Variants in HSPH1 observed in about 807,000 individuals in gnomAD.
HSPH1 encodes the protein heat shock protein 105 kDa.
HSPH1 carries 40 observed loss-of-function variants against 100.0 expected under a neutral mutation model. The observed-to-expected ratio is 0.40, with a 90% CI of 0.31 to 0.52. HSPH1 has a LOEUF of 0.52. Ranked by LOEUF, HSPH1 falls within the 20% of genes least tolerant of loss-of-function variation. The probability of loss-of-function intolerance (pLI) is 0.54; values close to 1 mark genes in which losing one functional copy is unlikely to be tolerated. For missense variants in HSPH1, 876 were observed against 1,015.1 expected (o/e 0.86, Z 1.86); for synonymous variants, 403 against 344.0 (o/e 1.17, Z -1.90).
chr13:31,151,926 T>C (rs139496149), intron 5 of HSPH1, 184 bp from the exon 6 acceptor site: 41 of 567,508 alleles, frequency 7.2e-5, no homozygotes, highest in Non-Finnish European at 1.2e-4. Flanking sequence ...ACTCTCTTTC[T>C]GATTTCAGAA....
intron 11 of HSPH1, among the ~76,000 whole-genome samples, chr13:31,144,673 A>C (rs1956209183): frequency 6.6e-6 from 1 of 152,082 alleles, no homozygotes; most frequent in South Asian, 2.1e-4. Flanking sequence ...GTCCACACTG[A>C]ACTCTCTCAT....
In HSPH1 at chr13:31,154,943, A is replaced by G. The variant is rs78028848; in HGVS notation, c.307-188T>C. Among the ~76,000 whole-genome samples, 127 of 152,230 alleles carry G rather than the reference A, an allele frequency of 8.3e-4. No individual in the cohort carries two copies. The East Asian group carries it at 0.019, about 22-fold the overall frequency. On this transcript the variant is annotated intron_variant, in intron 3 of 17. Coordinates refer to ENST00000320027, the MANE Select transcript of HSPH1 (RefSeq NM_006644.4). ...AGGAGGGAAGGGGGAGAGAAAGGAA[A>G]AGAGAAAAAAAGAAAAAGGAAGAAA... is the stretch of plus-strand genomic sequence containing the variant.
Position 31,154,560 on chromosome 13 carries a change from A to G in HSPH1, c.429+73T>C, listed in dbSNP as rs547159228. ...AGTAACTAAAGAACAGCTTTCCCACATTTCATACTTAAAAGTAATACAAAG... is the reference window on the plus strand; with the variant it reads ...AGTAACTAAAGAACAGCTTTCCCACGTTTCATACTTAAAAGTAATACAAAG... On this transcript the variant is annotated intron_variant, in intron 4 of 17. Coordinates refer to ENST00000320027, the MANE Select transcript of HSPH1 (RefSeq NM_006644.4). 9.0e-6 allele frequency: 14 copies of G among 1,552,044 alleles called. 1 individual carries two copies. The highest frequency in any genetic ancestry group is 1.2e-5 in the Non-Finnish European group (14 of 1,124,052).
At chr13:31,154,880 T>G in intron 3 of HSPH1, 125 bp from the exon 4 acceptor site, 1 of 798,954 alleles carries the variant, frequency 1.3e-6, no homozygotes. Flanking sequence ...GTAGTTGTTT[T>G]GGGAAGAAGG....
In HSPH1 at chr13:31,147,944, C is replaced by A. The variant is rs1184897359; in HGVS notation, c.1378+15G>T. ...TTTAACTAAAAGAGTAAAATATACACAATGAACTCCTTACCTATTTTTGCT... is the reference window on the plus strand; with the variant it reads ...TTTAACTAAAAGAGTAAAATATACAAAATGAACTCCTTACCTATTTTTGCT... On this transcript the variant is annotated intron_variant, in intron 10 of 17. Coordinates refer to ENST00000320027, the MANE Select transcript of HSPH1 (RefSeq NM_006644.4). The A allele has an allele frequency of 1.3e-6, 2 of 1,572,626 alleles. No homozygotes were observed. Among genetic ancestry groups the A allele is most frequent in the African/African-American group, 2.8e-5 (2 of 71,994 alleles).
intron 5 of HSPH1, 41 bp downstream of exon 5, chr13:31,152,811 C>A: frequency 1.6e-6 from 2 of 1,280,768 alleles, no homozygotes; most frequent in South Asian, 2.4e-5. Flanking sequence ...ATCTTTAGTT[C>A]TGATAGTATA....
intron 10 of HSPH1, among the ~76,000 whole-genome samples, chr13:31,146,351 CTT>C (rs376345495): frequency 3.3e-5 from 5 of 152,106 alleles, no homozygotes; most frequent in African/African-American, 4.8e-5. Flanking sequence ...TAAGGGCACT[CTT>C]ATAACTATTT....
Position 31,156,234 on chromosome 13 carries a change from C to CA in HSPH1, c.166-581dup, listed in dbSNP as rs1424893373. 2.6e-5 allele frequency among the ~76,000 whole-genome samples: 4 copies of CA among 151,960 alleles called. No homozygotes were observed. The East Asian group carries it at 7.7e-4, about 29-fold the overall frequency. On this transcript the variant is annotated intron_variant, in intron 2 of 17. Transcript: ENST00000320027. Reference sequence around the variant, plus strand: ...TGAAACCCCGTCTCTACTAAAAATACAAAAAATTAGCCGGGCGTGGTTGCG... The same window carrying CA: ...TGAAACCCCGTCTCTACTAAAAATACAAAAAAATTAGCCGGGCGTGGTTGCG...
Position 31,152,957 on chromosome 13 carries a change from A to T in HSPH1, c.430-6T>A, listed in dbSNP as rs1267831316. 1.3e-6 allele frequency: 2 copies of T among 1,593,902 alleles called. No homozygotes were observed. The highest frequency in any genetic ancestry group is 1.7e-6 in the Non-Finnish European group (2 of 1,163,184). On this transcript the variant is annotated splice_polypyrimidine_tract_variant and splice_region_variant and intron_variant, in intron 4 of 17. Coordinates refer to ENST00000320027, the MANE Select transcript of HSPH1 (RefSeq NM_006644.4). ...TCTGTAAAGAAGGAGGGGACCTACA[A>T]ACAAACAAAAAATTTTGAATTATCT...
intron 10 of HSPH1, 44 bp from the exon 11 acceptor site, chr13:31,145,812 G>C: frequency 6.3e-7 from 1 of 1,582,278 alleles, no homozygotes; most frequent in Non-Finnish European, 8.7e-7. Flanking sequence ...AATTTATTTA[G>C]AATTAAGTCT....
At chr13:31,147,203 A>G (rs1296862265) in intron 10 of HSPH1, among the ~76,000 whole-genome samples, 1 of 152,214 alleles carries the variant, frequency 6.6e-6, no homozygotes, top group African/African-American at 2.4e-5. Context: ...TCAAAATCTT[A>G]CAAGTCTACA....
At chr13:31,145,802 A>C in intron 10 of HSPH1, 34 bp from the exon 11 acceptor site, 2 of 1,595,172 alleles carry the variant, frequency 1.3e-6, no homozygotes, top group Non-Finnish European at 1.7e-6. Flanking sequence ...ACAAAATCAC[A>C]ATTTATTTAG....
intron 13 of HSPH1, 73 bp downstream of exon 13, chr13:31,141,049 A>C (rs1956070456): frequency 1.1e-6 from 1 of 909,488 alleles, no homozygotes; most frequent in African/African-American, 1.7e-5. Flanking sequence ...CCATTTATCT[A>C]CTAGAAATAT....
chr13:31,159,613 T>G (rs113193965), intron 1 of HSPH1, among the ~76,000 whole-genome samples: 3,166 of 152,264 alleles, frequency 0.021, 120 homozygotes, highest in African/African-American at 0.073. Flanking sequence ...AGAAGGTAAG[T>G]GAATTAGGTT....
intron 7 of HSPH1, 43 bp downstream of exon 7, chr13:31,150,904 A>T: frequency 6.4e-7 from 1 of 1,565,404 alleles, no homozygotes; most frequent in African/African-American, 1.4e-5. Flanking sequence ...CTACAGTTTC[A>T]AAAGAAGTTC....
At chr13:31,150,294 G>T in intron 7 of HSPH1, 112 bp from the exon 8 acceptor site, 1 of 708,116 alleles carries the variant, frequency 1.4e-6, no homozygotes, top group Non-Finnish European at 2.4e-6. Flanking sequence ...GATCCCACAT[G>T]GGCCAAGTTT....
intron 4 of HSPH1, chr13:31,154,322 T>C (rs994998869): frequency 8.0e-6 from 3 of 373,572 alleles, no homozygotes; most frequent in African/African-American, 6.2e-5. Flanking sequence ...GAAAAGCTCC[T>C]GTGTTAAATG....
chr13:31,138,590 A>G, intron 16 of HSPH1, 22 bp from the exon 17 acceptor site: 3 of 1,589,070 alleles, frequency 1.9e-6, no homozygotes, highest in Non-Finnish European at 2.6e-6. Context: ...TAACACGGTC[A>G]TTCTGTAGAA....
At chr13:31,147,860 CA>C in intron 10 of HSPH1, 98 bp downstream of exon 10, 3 of 997,234 alleles carry the variant, frequency 3.0e-6, no homozygotes, top group Non-Finnish European at 4.3e-6. Context: ...ATGTTCCCCT[CA>C]ACATTACTAA....
Sources: gnomAD v4.1 joint callset for allele counts (sites outside exome capture counted in the v4.1 genomes callset) on GRCh38, gnomAD v4.1.1 for gene constraint, MANE v1.5 for transcripts, NCBI Gene and HGNC (gene_info 2026-07-23, HGNC 2026-07-21) for gene names.